Variants in TBCK observed in about 807,000 individuals in gnomAD.
TBCK encodes the protein TBC1 domain containing kinase, also known as TBC domain-containing protein kinase-like protein.
Under a neutral mutation model 113.4 loss-of-function variants are expected in TBCK, and 99 were observed. The ratio of observed to expected loss-of-function variants is 0.87; its 90% CI spans 0.74 to 1.03. The LOEUF (loss-of-function observed/expected upper bound fraction) is 1.03, where lower values mean the gene tolerates loss of function less well. Ranked by LOEUF, TBCK falls within the 50% of genes least tolerant of loss-of-function variation. The probability of loss-of-function intolerance (pLI) is 0.00; values close to 1 mark genes in which losing one functional copy is unlikely to be tolerated. For missense variants in TBCK, 1,045 were observed against 1,061.3 expected (o/e 0.98, Z 0.21); for synonymous variants, 369 against 370.8 (o/e 1.00, Z 0.05).
At chr4:106,316,414 G>A, upstream of TBCK, 2 of 828,548 alleles carry the variant, frequency 2.4e-6, no homozygotes, top group South Asian at 1.5e-5. Context: ...GCGTGGTATG[G>A]CAGGTTAATG....
At chr4:106,088,604 C>A (rs1739792914) in intron 25 of TBCK, among the ~76,000 whole-genome samples, 1 of 152,040 alleles carries the variant, frequency 6.6e-6, no homozygotes, top group Non-Finnish European at 1.5e-5. Flanking sequence ...TGGGTATATA[C>A]CCAAGGAATA....
At chr4:106,282,891 G>T (rs1764751915) in intron 3 of TBCK, among the ~76,000 whole-genome samples, 1 of 151,984 alleles carries the variant, frequency 6.6e-6, no homozygotes, top group South Asian at 2.1e-4. Flanking sequence ...CAGTAATCAA[G>T]AAAACAGATA....
At chr4:106,202,108 G>A (rs1178707578) in intron 20 of TBCK, among the ~76,000 whole-genome samples, 1 of 151,724 alleles carries the variant, frequency 6.6e-6, no homozygotes, top group African/African-American at 2.4e-5. Flanking sequence ...AGAATCTTCA[G>A]TAATGGAAAA....
chr4:106,244,539 A>C (rs1760542723), intron 11 of TBCK, 87 bp downstream of exon 11: 2 of 1,175,382 alleles, frequency 1.7e-6, no homozygotes, highest in Non-Finnish European at 2.2e-6. Flanking sequence ...AAAAAAAAAA[A>C]ACACCGATTT....
At chr4:106,128,676 G>T (rs1745512967) in intron 23 of TBCK, among the ~76,000 whole-genome samples, 2 of 152,186 alleles carry the variant, frequency 1.3e-5, no homozygotes, top group South Asian at 4.1e-4. Context: ...TTTCTAGAAA[G>T]ATTCAATATT....
chr4:106,137,273 T>C (rs1746665799), intron 23 of TBCK, among the ~76,000 whole-genome samples: 1 of 140,724 alleles, frequency 7.1e-6, no homozygotes, highest in South Asian at 2.4e-4. Context: ...GCAGGCAATC[T>C]ATATAATGCT....
chr4:106,283,847 G>A (rs1009490576), intron 3 of TBCK, among the ~76,000 whole-genome samples: 3 of 152,120 alleles, frequency 2.0e-5, no homozygotes, highest in African/African-American at 7.2e-5. Flanking sequence ...GAAAAAGTGG[G>A]AGGACTGAAG....
At chr4:106,313,242 G>C (rs903120913) in intron 1 of TBCK, among the ~76,000 whole-genome samples, 4 of 152,076 alleles carry the variant, frequency 2.6e-5, no homozygotes, top group Non-Finnish European at 4.4e-5. Flanking sequence ...CAGCAATAAT[G>C]AAAGTCAGAA....
chr4:106,239,431 T>C (rs1759835546), intron 12 of TBCK, among the ~76,000 whole-genome samples: 1 of 152,054 alleles, frequency 6.6e-6, no homozygotes, highest in African/African-American at 2.4e-5. Flanking sequence ...AGTTATTATA[T>C]AGGAAGAAAA....
chr4:106,231,995 T>C (rs1560872016), intron 17 of TBCK, among the ~76,000 whole-genome samples: 2 of 151,796 alleles, frequency 1.3e-5, no homozygotes, highest in Non-Finnish European at 3.0e-5. Context: ...TTATTATCTA[T>C]ATTATTATGA....
At chr4:106,131,949 G>C (rs1745993372) in intron 23 of TBCK, among the ~76,000 whole-genome samples, 1 of 152,216 alleles carries the variant, frequency 6.6e-6, no homozygotes, top group African/African-American at 2.4e-5. Flanking sequence ...CTAGAGATCT[G>C]TGGAACTTTG....
At chr4:106,288,170 G>A (rs756636789) in intron 3 of TBCK, among the ~76,000 whole-genome samples, 4 of 150,956 alleles carry the variant, frequency 2.6e-5, no homozygotes, top group Non-Finnish European at 4.4e-5. Flanking sequence ...GAGGCAGGCA[G>A]ACTGCCTGAG....
intron 25 of TBCK, 106 bp downstream of exon 25, chr4:106,095,376 G>A: frequency 9.7e-7 from 1 of 1,030,296 alleles, no homozygotes; most frequent in Non-Finnish European, 1.4e-6. Context: ...AAAGCTCATA[G>A]TATTTGTGAC....
chr4:106,188,791 C>T (rs1053650843), intron 22 of TBCK, among the ~76,000 whole-genome samples: 1 of 152,098 alleles, frequency 6.6e-6, no homozygotes, highest in African/African-American at 2.4e-5. Flanking sequence ...TTACATGTTG[C>T]AAAATTAGTT....
chr4:106,061,514 G>A (rs990752748), intron 25 of TBCK, among the ~76,000 whole-genome samples: 1 of 148,588 alleles, frequency 6.7e-6, no homozygotes, highest in Non-Finnish European at 1.5e-5. Flanking sequence ...TAATGCTGTT[G>A]CATACTTACT....
intron 24 of TBCK, among the ~76,000 whole-genome samples, chr4:106,112,046 A>T (rs1232888046): frequency 6.6e-6 from 1 of 152,118 alleles, no homozygotes; most frequent in Non-Finnish European, 1.5e-5. Flanking sequence ...TATTCAGTTC[A>T]ATTATTTGTT....
At chr4:106,296,302 A>G (rs1445822661) in intron 2 of TBCK, among the ~76,000 whole-genome samples, 1 of 152,196 alleles carries the variant, frequency 6.6e-6, no homozygotes, top group Non-Finnish European at 1.5e-5. Context: ...TCTATGCAAA[A>G]CAGATTCTAA....
intron 23 of TBCK, 43 bp downstream of exon 23, chr4:106,171,052 C>A: frequency 6.8e-7 from 1 of 1,475,090 alleles, no homozygotes; most frequent in South Asian, 1.4e-5. Flanking sequence ...TTTTAACATC[C>A]ATCTCCTTTT....
intron 25 of TBCK, among the ~76,000 whole-genome samples, chr4:106,079,159 C>T (rs184463797): frequency 9.5e-4 from 144 of 152,050 alleles, no homozygotes; most frequent in Non-Finnish European, 1.7e-3. Context: ...AATTAGGCAT[C>T]AAAAAAACAT....
Sources: gnomAD v4.1 joint callset for allele counts (sites outside exome capture counted in the v4.1 genomes callset) on GRCh38, gnomAD v4.1.1 for gene constraint, MANE v1.5 for transcripts, NCBI Gene and HGNC (gene_info 2026-07-23, HGNC 2026-07-21) for gene names.